The following FAM227B variants were observed in gnomAD, a reference collection of about 807,000 sequenced individuals.
The protein encoded by FAM227B is family with sequence similarity 227 member B, also known as protein FAM227B.
A neutral mutation model predicts 73.8 loss-of-function variants in FAM227B; 88 were observed. The observed-to-expected ratio is 1.19, with a 90% confidence interval of 1.00 to 1.42. FAM227B has a LOEUF of 1.42. Ranked by LOEUF, FAM227B falls within the 40% of genes most tolerant of loss-of-function variation. The pLI is 0.00. For synonymous variants in FAM227B, 210 were observed against 190.5 expected, an observed-to-expected ratio of 1.10 and a Z score of -0.84; for missense variants, 632 against 590.9, an observed-to-expected ratio of 1.07 and a Z score of -0.72.
chr15:49,618,885 T>A (rs1400317689), intron 1 of FAM227B, among the ~76,000 whole-genome samples: 1 of 152,230 alleles, frequency 6.6e-6, no homozygotes, highest in Non-Finnish European at 1.5e-5. Flanking sequence ...TAACCTAGAA[T>A]GTGGCAAACT....
chr15:49,601,041 C>CAAA (rs1215100007), intron 3 of FAM227B, among the ~76,000 whole-genome samples: 1 of 90,842 alleles, frequency 1.1e-5, no homozygotes. Context: ...GACTCTGTCT[C>CAAA]AAAAAAAAAA....
intron 3 of FAM227B, among the ~76,000 whole-genome samples, chr15:49,593,849 G>A (rs575741948): frequency 1.3e-5 from 2 of 152,266 alleles, no homozygotes; most frequent in Non-Finnish European, 2.9e-5. Flanking sequence ...ATTTGGGCTG[G>A]TTCCATATTT....
At chr15:49,510,969 T>G (rs544512438) in intron 10 of FAM227B, among the ~76,000 whole-genome samples, 1 of 152,050 alleles carries the variant, frequency 6.6e-6, no homozygotes, top group Non-Finnish European at 1.5e-5. Flanking sequence ...AGTTTTTTTT[T>G]TTTAGCATTT....
intron 11 of FAM227B, among the ~76,000 whole-genome samples, chr15:49,457,752 G>C (rs2053441801): frequency 6.6e-6 from 1 of 151,770 alleles, no homozygotes; most frequent in South Asian, 2.1e-4. Context: ...GCTTTATTTA[G>C]TATATTTAAA....
chr15:49,567,382 A>C (rs901935677), intron 9 of FAM227B, among the ~76,000 whole-genome samples: 2 of 152,148 alleles, frequency 1.3e-5, no homozygotes, highest in Non-Finnish European at 2.9e-5. Flanking sequence ...CACCCAGGTA[A>C]TCAGTAGCAT....
At position 49,558,059 on chromosome 15, in the gene FAM227B, T is replaced by C. The variant is rs549863915; in HGVS notation, c.747+10186A>G. On this transcript the variant is annotated intron_variant, in intron 9 of 15. Coordinates refer to ENST00000299338, the MANE Select transcript of FAM227B (RefSeq NM_152647.3). ...CAGGAAGCACCCAGGCTGCAGACTA[T>C]GTGACCTCCTATCCCCACTGCTCCT... 1.1e-3 allele frequency among the ~76,000 whole-genome samples: 168 copies of C among 152,272 alleles called. 7 individuals carry two copies. In the South Asian group the frequency reaches 0.034, roughly 31 times the overall value.
At chr15:49,520,553 T>C (rs562359303) in intron 10 of FAM227B, among the ~76,000 whole-genome samples, 1 of 152,250 alleles carries the variant, frequency 6.6e-6, no homozygotes, top group South Asian at 2.1e-4. Flanking sequence ...AAACTCACAG[T>C]TTCACATAGC....
chr15:49,354,278 G>A (rs1226112434), intron 13 of FAM227B, among the ~76,000 whole-genome samples: 1 of 152,216 alleles, frequency 6.6e-6, no homozygotes, highest in African/African-American at 2.4e-5. Flanking sequence ...CCGGTCTACA[G>A]CTCCCAGCGT....
chr15:49,362,400 C>T (rs2044394963), intron 13 of FAM227B, among the ~76,000 whole-genome samples: 2 of 152,186 alleles, frequency 1.3e-5, no homozygotes, highest in Admixed American at 1.3e-4. Context: ...AGTCATGCTT[C>T]CTGTTAAACC....
chr15:49,492,143 T>TATA (rs756603897), intron 11 of FAM227B, among the ~76,000 whole-genome samples: 1 of 151,884 alleles, frequency 6.6e-6, no homozygotes, highest in Non-Finnish European at 1.5e-5. Flanking sequence ...AATCACTATG[T>TATA]GAGGTAAAAA....
At chr15:49,555,275 G>A (rs764239381) in intron 9 of FAM227B, among the ~76,000 whole-genome samples, 1 of 152,144 alleles carries the variant, frequency 6.6e-6, no homozygotes, top group Non-Finnish European at 1.5e-5. Context: ...CTTAACATTT[G>A]CTTATCTGAA....
intron 9 of FAM227B, among the ~76,000 whole-genome samples, 176 bp downstream of exon 9, chr15:49,568,069 C>A (rs898483646): frequency 2.6e-4 from 39 of 151,940 alleles, no homozygotes; most frequent in African/African-American, 9.2e-4. Flanking sequence ...CCAGGGAATA[C>A]AATATTTTGA....
chr15:49,397,181 T>C (rs1243325145), intron 11 of FAM227B, among the ~76,000 whole-genome samples: 3 of 151,950 alleles, frequency 2.0e-5, no homozygotes, highest in African/African-American at 7.3e-5. Flanking sequence ...CACCAAGGCT[T>C]GAGAACAACG....
chr15:49,610,435 A>C (rs1567700283), intron 3 of FAM227B, among the ~76,000 whole-genome samples: 1 of 151,438 alleles, frequency 6.6e-6, no homozygotes, highest in African/African-American at 2.4e-5. Flanking sequence ...AAAAAAAAAA[A>C]AAAAAACTTG....
rs1220225161 is a variant in FAM227B at position 49,504,218 on chromosome 15, T to C, written c.1012+3993A>G. The stretch of plus-strand genomic sequence containing the variant: ...GCATGTTCTCACTCATAGGTGGGAA[T>C]TGAACAATGAGAACACTTGGACACA... On this transcript the variant is annotated intron_variant, in intron 11 of 15. Transcript: ENST00000299338. 7.1e-5 allele frequency among the ~76,000 whole-genome samples: 10 copies of C among 140,620 alleles called. No individual in the cohort carries two copies. In the Admixed American group the frequency reaches 7.8e-4, roughly 11 times the overall value. The allele number at this position is 140,620 out of a possible 152,430, so 92.3% of individuals were successfully genotyped here.
At chr15:49,356,116 G>C (rs1456325722) in intron 13 of FAM227B, among the ~76,000 whole-genome samples, 1 of 151,970 alleles carries the variant, frequency 6.6e-6, no homozygotes, top group Non-Finnish European at 1.5e-5. Flanking sequence ...GGAACAACCG[G>C]TACCAGCCGC....
intron 11 of FAM227B, among the ~76,000 whole-genome samples, chr15:49,474,318 A>G (rs2055049166): frequency 6.6e-6 from 1 of 152,214 alleles, no homozygotes; most frequent in Admixed American, 6.5e-5. Context: ...AAGCATGATC[A>G]ATGTCTTCAC....
At chr15:49,563,903 A>G (rs2074444070) in intron 9 of FAM227B, among the ~76,000 whole-genome samples, 1 of 152,194 alleles carries the variant, frequency 6.6e-6, no homozygotes, top group African/African-American at 2.4e-5. Flanking sequence ...AAACCTAGGA[A>G]GTACCTTTCT....
Position 49,358,933 on chromosome 15 carries a change from G to A in FAM227B, c.1271+8515C>T, listed in dbSNP as rs574476820. Among the ~76,000 whole-genome samples, 76 of 144,952 alleles carry A rather than the reference G, an allele frequency of 5.2e-4. No homozygotes were observed. In the East Asian group the frequency reaches 6.4e-3, roughly 12 times the overall value. Reference sequence around the variant, plus strand: ...GAACAGAGCCCTCAGAAATAACGCCGCATATCTACAACTATCTGATCTTTG... The same window carrying A: ...GAACAGAGCCCTCAGAAATAACGCCACATATCTACAACTATCTGATCTTTG... On this transcript the variant is annotated intron_variant, in intron 13 of 15. Coordinates refer to ENST00000299338, the MANE Select transcript of FAM227B (RefSeq NM_152647.3).
Sources: gnomAD v4.1 joint callset for allele counts (sites outside exome capture counted in the v4.1 genomes callset) on GRCh38, gnomAD v4.1.1 for gene constraint, MANE v1.5 for transcripts, NCBI Gene and HGNC (gene_info 2026-07-23, HGNC 2026-07-21) for gene names.